The following SOX5 variants were observed in gnomAD, a reference collection of about 807,000 sequenced individuals.
SOX5 encodes the protein transcription factor SOX-5.
Under a neutral mutation model 92.0 loss-of-function variants are expected in SOX5, and 9 were observed. The ratio of observed to expected loss-of-function variants is 0.10; its 90% CI spans 0.06 to 0.17. SOX5 has a LOEUF of 0.17. Ranked by LOEUF, SOX5 falls within the 10% of genes least tolerant of loss-of-function variation. The probability of loss-of-function intolerance (pLI) is 1.00; values close to 1 mark genes in which losing one functional copy is unlikely to be tolerated. For synonymous variants in SOX5, 344 were observed against 336.3 expected, an observed-to-expected ratio of 1.02 and a Z score of -0.25; for missense variants, 642 against 944.5, an observed-to-expected ratio of 0.68 and a Z score of 4.20.
At chr12:23,655,901 C>G (rs2082245843) in intron 7 of SOX5, among the ~76,000 whole-genome samples, 1 of 152,068 alleles carries the variant, frequency 6.6e-6, no homozygotes, top group East Asian at 1.9e-4. Context: ...CTCTTGACAT[C>G]CTTTTCATTA....
intron 2 of SOX5, among the ~76,000 whole-genome samples, chr12:24,279,471 T>G (rs780428589): frequency 6.6e-5 from 10 of 152,090 alleles, no homozygotes; most frequent in African/African-American, 1.2e-4. Flanking sequence ...TTCTATGTAT[T>G]TATAGAACAG....
rs140528523 is a variant in SOX5 at position 23,697,495 on chromosome 12, A to G, written c.811-31931T>C. On this transcript the variant is annotated intron_variant, in intron 6 of 14. Transcript: ENST00000451604. ...GGTGTGTCTTCCTTCTTTTTTGTTA[A>G]CTTGACAATCTCTGATTTTAATTAG... is the stretch of plus-strand genomic sequence containing the variant. 4.4e-3 allele frequency among the ~76,000 whole-genome samples: 677 copies of G among 152,220 alleles called. 5 individuals are homozygous for G. The highest frequency in any genetic ancestry group is 0.015 in the African/African-American group (633 of 41,536).
At chr12:24,369,272 A>C (rs929117041) in intron 1 of SOX5, among the ~76,000 whole-genome samples, 6 of 152,184 alleles carry the variant, frequency 3.9e-5, no homozygotes, top group Non-Finnish European at 7.3e-5. Flanking sequence ...GGCTTTGGCC[A>C]CTGAACAGTC....
intron 2 of SOX5, among the ~76,000 whole-genome samples, chr12:24,316,504 T>G (rs530970960): frequency 6.6e-6 from 1 of 152,286 alleles, no homozygotes; most frequent in East Asian, 1.9e-4. Flanking sequence ...TACTTTCAAC[T>G]CACTCATCAG....
intron 4 of SOX5, among the ~76,000 whole-genome samples, chr12:24,137,361 G>C (rs1308463196): frequency 6.6e-6 from 1 of 152,138 alleles, no homozygotes; most frequent in Non-Finnish European, 1.5e-5. Flanking sequence ...GGCCAGGCAG[G>C]GTGGCTCAGG....
chr12:24,018,249 T>C (rs7302959), intron 4 of SOX5, among the ~76,000 whole-genome samples: 144,070 of 152,236 alleles, frequency 0.95, 68,660 homozygotes, highest in South Asian at 1. Context: ...GACTAAAATA[T>C]CTTCTCCCTT....
Position 23,747,907 on chromosome 12 carries a change from C to T in SOX5, c.569-6868G>A, listed in dbSNP as rs894663861. On this transcript the variant is annotated intron_variant, in intron 4 of 14. Coordinates refer to ENST00000451604, the MANE Select transcript of SOX5 (RefSeq NM_006940.6). The stretch of plus-strand genomic sequence containing the variant: ...TTAAGTGTTGAGGATACTAAGAGAA[C>T]AAGCCAGAAAAGAATGCATGCCTTC... 3.5e-5 allele frequency among the ~76,000 whole-genome samples: 5 copies of T among 143,054 alleles called. 1 individual carries two copies. Among genetic ancestry groups the T allele is most frequent in the Admixed American group, 2.1e-4 (3 of 14,000 alleles). 93.8% of individuals were successfully genotyped at this position (143,054 alleles called of 152,430 possible).
chr12:23,643,570 G>T (rs913441437), intron 7 of SOX5, among the ~76,000 whole-genome samples: 2 of 152,138 alleles, frequency 1.3e-5, no homozygotes, highest in African/African-American at 4.8e-5. Flanking sequence ...ATTAAAAAGA[G>T]GTCCAAAAAT....
chr12:24,009,470 G>T (rs915224711), intron 4 of SOX5, among the ~76,000 whole-genome samples: 1 of 152,106 alleles, frequency 6.6e-6, no homozygotes, highest in Admixed American at 6.6e-5. Context: ...ACTACACTTA[G>T]ATCAGATCTG....
intron 3 of SOX5, among the ~76,000 whole-genome samples, chr12:23,796,497 T>C (rs1009437607): frequency 6.6e-6 from 1 of 152,030 alleles, no homozygotes; most frequent in Non-Finnish European, 1.5e-5. Flanking sequence ...AGGAGTTTAA[T>C]GACACTGAAA....
At chr12:23,639,286 T>G (rs1391013072) in intron 8 of SOX5, among the ~76,000 whole-genome samples, 1 of 152,210 alleles carries the variant, frequency 6.6e-6, no homozygotes, top group African/African-American at 2.4e-5. Flanking sequence ...ACAGGAAAAG[T>G]TGATTAGATT....
chr12:24,254,495 G>A (rs1202696384), intron 3 of SOX5, among the ~76,000 whole-genome samples: 1 of 151,216 alleles, frequency 6.6e-6, no homozygotes, highest in Non-Finnish European at 1.5e-5. Context: ...GCCTACAGTA[G>A]GGAAAAAAAA....
At chr12:24,113,255 T>TAAAAAAAA (rs10717747) in intron 4 of SOX5, among the ~76,000 whole-genome samples, 1 of 118,184 alleles carries the variant, frequency 8.5e-6, no homozygotes, top group Non-Finnish European at 1.7e-5. Flanking sequence ...TGTAGAATCA[T>TAAAAAAAA]AAAAAAAAAA....
intron 8 of SOX5, among the ~76,000 whole-genome samples, chr12:23,633,385 T>G (rs1447055912): frequency 1.3e-5 from 2 of 152,150 alleles, no homozygotes; most frequent in Non-Finnish European, 2.9e-5. Flanking sequence ...AAACAGATTA[T>G]TCACATAGCT....
chr12:23,996,083 C>A (rs1418913325), intron 4 of SOX5, among the ~76,000 whole-genome samples: 1 of 152,066 alleles, frequency 6.6e-6, no homozygotes, highest in Non-Finnish European at 1.5e-5. Flanking sequence ...AATTAATGAA[C>A]ACAAGGAAAA....
intron 8 of SOX5, among the ~76,000 whole-genome samples, chr12:23,629,098 T>C (rs1395274161): frequency 6.6e-6 from 1 of 152,060 alleles, no homozygotes; most frequent in East Asian, 1.9e-4. Context: ...CGCTTCTCTG[T>C]TGTTTTGTTT....
chr12:24,379,388 T>C (rs1957596861), intron 1 of SOX5, among the ~76,000 whole-genome samples: 1 of 152,202 alleles, frequency 6.6e-6, no homozygotes, highest in Non-Finnish European at 1.5e-5. Context: ...ATTTCAATCA[T>C]TCTGAAGAAG....
chr12:24,281,553 A>T (rs373347998), intron 2 of SOX5, among the ~76,000 whole-genome samples: 1 of 152,246 alleles, frequency 6.6e-6, no homozygotes, highest in Non-Finnish European at 1.5e-5. Context: ...AATATGCATT[A>T]GCAATTACTT....
At chr12:23,963,765 TA>T (rs60053598) in intron 4 of SOX5, among the ~76,000 whole-genome samples, 7 of 125,854 alleles carry the variant, frequency 5.6e-5, no homozygotes, top group African/African-American at 1.8e-4. Flanking sequence ...ATGAATGAAG[TA>T]AAAAAAAAAA....
Sources: allele counts gnomAD v4.1 joint callset (sites outside exome capture counted in the v4.1 genomes callset), GRCh38; gene constraint gnomAD v4.1.1; transcripts MANE v1.5; gene names NCBI Gene and HGNC (gene_info 2026-07-23, HGNC 2026-07-21).